The following TMC6 variants were observed in gnomAD, a reference collection of about 807,000 sequenced individuals.
TMC6 encodes transmembrane channel like 6, also known as transmembrane channel-like protein 6.
In TMC6, 71 loss-of-function variants were observed where a neutral mutation model predicts 95.4. The observed-to-expected ratio is 0.74, with a 90% CI of 0.61 to 0.91. The LOEUF is 0.91. Among genes scored for constraint, TMC6 ranks in the 40% least tolerant of loss-of-function variants. The pLI is 0.00. For synonymous variants in TMC6, 514 were observed against 483.1 expected, an observed-to-expected ratio of 1.06 and a Z score of -0.84; for missense variants, 1,074 against 1,079.1, an observed-to-expected ratio of 1.00 and a Z score of 0.07.
At chr17:78,125,499 G>A (rs2074661990) in intron 5 of TMC6, among the ~76,000 whole-genome samples, 1 of 152,234 alleles carries the variant, frequency 6.6e-6, no homozygotes, top group African/African-American at 2.4e-5. Flanking sequence ...GGGGCCCAGG[G>A]CCACAGCCCT....
chr17:78,116,841 C>T (rs900330721), intron 18 of TMC6, among the ~76,000 whole-genome samples: 4 of 152,178 alleles, frequency 2.6e-5, no homozygotes, highest in African/African-American at 4.8e-5. Context: ...GACTGTGCCA[C>T]TGCACTCCAG....
At chr17:78,114,423 C>T (rs151301736) in intron 18 of TMC6, among the ~76,000 whole-genome samples, 72 of 152,256 alleles carry the variant, frequency 4.7e-4, no homozygotes, top group South Asian at 1.0e-3. Context: ...AGCCACGCAA[C>T]GTAACGTATT....
intron 15 of TMC6, 177 bp from the exon 16 acceptor site, chr17:78,118,112 C>T (rs1429521392): frequency 5.3e-6 from 6 of 1,140,242 alleles, no homozygotes; most frequent in Middle Eastern, 2.9e-4. Flanking sequence ...GTCACTTGCA[C>T]GCAAACGGGT....
intron 1 of TMC6, among the ~76,000 whole-genome samples, chr17:78,127,286 G>A (rs1036178309): frequency 2.0e-5 from 3 of 152,158 alleles, no homozygotes; most frequent in Non-Finnish European, 4.4e-5. Flanking sequence ...AGAAAGGTCA[G>A]AGTAGGCTGT....
chr17:78,114,599 G>A (rs897978610), intron 18 of TMC6, among the ~76,000 whole-genome samples: 1 of 152,038 alleles, frequency 6.6e-6, no homozygotes, highest in Non-Finnish European at 1.5e-5. Flanking sequence ...GGGATTCCCC[G>A]CCCGGAGCTT....
Position 78,122,728 on chromosome 17 carries a change from C to T in TMC6, c.1104G>A (p.Glu368=), listed in dbSNP as rs1432551353. Residue 368 remains glutamate, a synonymous_variant, in exon 10 of 20, where the codon GAG becomes GAA. Transcript: ENST00000590602. The surrounding 1 kb of genome is among the most constrained non-coding windows in gnomAD (Gnocchi z 4.9). ...CAGAGGTGCTGCCCACCCGGTAGCTCTCCCCGAAAGAGTGAGCCATGCTGG... is the reference window on the plus strand; with the variant it reads ...CAGAGGTGCTGCCCACCCGGTAGCTTTCCCCGAAAGAGTGAGCCATGCTGG... ...LVYSMAHSFG[E]SYRVGSTSGI... is the part of the protein sequence containing the mutation. 7 of 1,610,942 alleles carry T rather than the reference C, an allele frequency of 4.3e-6. No homozygotes were observed. The East Asian group carries it at 1.3e-4, about 31-fold the overall frequency.
chr17:78,116,789 A>C (rs1177461545), intron 18 of TMC6, among the ~76,000 whole-genome samples: 1 of 152,130 alleles, frequency 6.6e-6, no homozygotes, highest in Non-Finnish European at 1.5e-5. Context: ...CTGAGGCAAG[A>C]CAGTTGCTTG....
At position 78,112,417 on chromosome 17, in the gene TMC6, C is replaced by G. The variant is rs1181443008; in HGVS notation, c.*731G>C. 1 of 168,618 alleles carries G rather than the reference C, an allele frequency of 5.9e-6. No homozygotes were observed. Among genetic ancestry groups the G allele is most frequent in the Non-Finnish European group, 1.3e-5 (1 of 77,142 alleles). 10.4% of individuals were successfully genotyped at this position (168,618 alleles called of 1,614,324 possible). A position where few individuals can be genotyped will look rare whatever the true frequency, so the allele number is the denominator to read the frequency against. On this transcript the variant is annotated 3_prime_UTR_variant, in exon 20 of 20. Coordinates refer to ENST00000590602, the MANE Select transcript of TMC6 (RefSeq NM_001127198.5). ...TTCGGTATCCCACGGGCTCCTCAAA[C>G]TCAGCCCAGTCAGACCCAGGATCAC...
At position 78,122,128 on chromosome 17, in the gene TMC6, C is replaced by A. The variant is rs1395716320; in HGVS notation, c.1228-417G>T. Reference sequence around the variant, plus strand: ...CTCTGAGCTCCTTGAAGCACAGAACCCCAGAAAGGCAGAGAATGTTCCACG... The same window carrying A: ...CTCTGAGCTCCTTGAAGCACAGAACACCAGAAAGGCAGAGAATGTTCCACG... On this transcript the variant is annotated intron_variant, in intron 10 of 19. Transcript: ENST00000590602. The surrounding 1 kb of genome is among the most constrained non-coding windows in gnomAD (Gnocchi z 4.9). Among the ~76,000 whole-genome samples, 1 of 152,150 alleles carries A rather than the reference C, an allele frequency of 6.6e-6. No individual in the cohort carries two copies. Among genetic ancestry groups the A allele is most frequent in the Admixed American group, 6.5e-5 (1 of 15,282 alleles).
At chr17:78,123,478 G>A (rs1173936324) in intron 9 of TMC6, among the ~76,000 whole-genome samples, 1 of 148,130 alleles carries the variant, frequency 6.8e-6, no homozygotes, top group Non-Finnish European at 1.5e-5. Context: ...TGAGTGGGTG[G>A]ATGGATGAAT....
In TMC6 at chr17:78,122,806, G is replaced by A. The variant is rs1474865; in HGVS notation, c.1083-57C>T. 4.4e-6 allele frequency: 7 copies of A among 1,581,656 alleles called. No individual in the cohort carries two copies. The highest frequency in any genetic ancestry group is 1.7e-6 in the Non-Finnish European group (2 of 1,169,092). On this transcript the variant is annotated intron_variant, in intron 9 of 19. Coordinates refer to ENST00000590602, the MANE Select transcript of TMC6 (RefSeq NM_001127198.5). This position sits in a 1 kb window ranked among gnomAD's most constrained non-coding sequence, Gnocchi z 4.9. ...AACAAGCTGACGGGCAGAGGCCAAGGGGAGAAGGCAGACCGGATGCTCTGG... is the reference window on the plus strand; with the variant it reads ...AACAAGCTGACGGGCAGAGGCCAAGAGGAGAAGGCAGACCGGATGCTCTGG...
chr17:78,117,207 A>G, intron 18 of TMC6, 62 bp downstream of exon 18: 1 of 1,545,334 alleles, frequency 6.5e-7, no homozygotes. Flanking sequence ...AGTGGAGGGG[A>G]GCGTCACCCT....
upstream of TMC6, chr17:78,132,174 C>T (rs1380844432): frequency 7.1e-7 from 1 of 1,415,690 alleles, no homozygotes; most frequent in Non-Finnish European, 9.6e-7. Flanking sequence ...CCCCTTCCGC[C>T]CGCAGGCACC....
At chr17:78,113,814 G>T (rs567055876) in intron 18 of TMC6, 190 bp from the exon 19 acceptor site, 1 of 647,854 alleles carries the variant, frequency 1.5e-6, no homozygotes, top group Non-Finnish European at 2.8e-6. Flanking sequence ...GGAAGTGGGC[G>T]TATGTGTGGA....
In TMC6 at chr17:78,124,167, G is replaced by T. The variant is rs1161876270; in HGVS notation, c.904C>A (p.His302Asn). 3.7e-6 allele frequency: 6 copies of T among 1,611,562 alleles called. No homozygotes were observed. Among genetic ancestry groups the T allele is most frequent in the Non-Finnish European group, 5.1e-6 (6 of 1,179,752 alleles). Residue 302 changes from histidine (H) to asparagine (N), a missense_variant, in exon 9 of 20, where the codon CAC becomes AAC. Transcript: ENST00000590602. Reference protein sequence around the residue: ...ELLTGAGCFTHTVMYYGHYSN... With the variant: ...ELLTGAGCFTNTVMYYGHYSN... ...TAGTGGCCGTAGTACATGACGGTGT[G>T]GGTGAAGCAACCCTGCCACAGGGAG...
At chr17:78,113,298 A>T in intron 19 of TMC6, 87 bp from the exon 20 acceptor site, 1 of 1,431,706 alleles carries the variant, frequency 7.0e-7, no homozygotes, top group Non-Finnish European at 9.5e-7. Context: ...CCGGCGAGGG[A>T]CAGGCCAGAC....
Position 78,112,346 on chromosome 17 carries a change from G to A in TMC6, c.*802C>T, listed in dbSNP as rs148856924. 1.4e-3 allele frequency: 275 copies of A among 193,804 alleles called. No individual in the cohort carries two copies. The highest frequency in any genetic ancestry group is 6.0e-3 in the African/African-American group (251 of 41,882). 12.0% of individuals were successfully genotyped at this position (193,804 alleles called of 1,614,324 possible). ...CAGACCTGGAGCACGGGGTCATGAC[G>A]GGCTGGTCCCCGAATCCCTGTGCCC... On this transcript the variant is annotated 3_prime_UTR_variant, in exon 20 of 20. Transcript: ENST00000590602.
upstream of TMC6, chr17:78,131,922 C>T (rs1191517503): frequency 6.7e-7 from 1 of 1,498,572 alleles, no homozygotes; most frequent in Non-Finnish European, 8.8e-7. Context: ...CTTGCGCTGG[C>T]AGCGGTGGCA....
intron 9 of TMC6, among the ~76,000 whole-genome samples, chr17:78,123,338 G>A (rs1163553388): frequency 6.6e-6 from 1 of 152,222 alleles, no homozygotes; most frequent in East Asian, 1.9e-4. Flanking sequence ...TAGATGCATG[G>A]GTGGATGGGT....
Sources: gnomAD v4.1 joint callset for allele counts (sites outside exome capture counted in the v4.1 genomes callset) on GRCh38, gnomAD v4.1.1 for gene constraint, Gnocchi (gnomAD v3.1) non-coding constraint, MANE v1.5 for transcripts, NCBI Gene and HGNC (gene_info 2026-07-23, HGNC 2026-07-21) for gene names.